CD96: variants seen among roughly 807,000 people sequenced by gnomAD.
The protein encoded by CD96 is T-cell surface protein tactile.
In CD96, 70 loss-of-function variants were observed where a neutral mutation model predicts 71.3. That is an observed-to-expected ratio of 0.98 (90% CI 0.81 to 1.20). The LOEUF is 1.20. Among genes scored for constraint, CD96 ranks in the 50% most tolerant of loss-of-function variants. CD96 has a pLI of 0.00. For synonymous variants in CD96, 248 were observed against 233.0 expected (o/e 1.06, Z -0.59); for missense variants, 742 against 677.5 (o/e 1.10, Z -1.06).
At position 111,577,624 on chromosome 3, in the gene CD96, A is replaced by G. The variant is rs1174930993; in HGVS notation, c.544-1403A>G. The G allele has an allele frequency of 4.2e-6, 4 of 944,502 alleles. No individual in the cohort carries two copies. The Admixed American group carries it at 5.1e-5, about 12-fold the overall frequency. 58.5% of individuals were successfully genotyped at this position (944,502 alleles called of 1,614,324 possible). On this transcript the variant is annotated intron_variant, in intron 3 of 13. Coordinates refer to ENST00000352690, the MANE Select transcript of CD96 (RefSeq NM_005816.5). Reference sequence around the variant, plus strand: ...CAGGCAATAACACAATACTATCTGTATGTAAGACTGACACAAATCCTAGCC... The same window carrying G: ...CAGGCAATAACACAATACTATCTGTGTGTAAGACTGACACAAATCCTAGCC...
chr3:111,654,002 AG>A (rs1940169326), downstream of CD96, among the ~76,000 whole-genome samples: 3 of 152,184 alleles, frequency 2.0e-5, no homozygotes, highest in Admixed American at 6.5e-5. Context: ...CTAAGGCCAG[AG>A]ATAATGAAAA....
downstream of CD96, among the ~76,000 whole-genome samples, chr3:111,654,191 T>A (rs781547390): frequency 1.3e-5 from 2 of 152,180 alleles, no homozygotes; most frequent in Non-Finnish European, 2.9e-5. Flanking sequence ...ACAGCAATCA[T>A]GGCTGTGTCA....
At chr3:111,622,211 A>T (rs908285210) in intron 8 of CD96, among the ~76,000 whole-genome samples, 60 of 152,200 alleles carry the variant, frequency 3.9e-4, no homozygotes, top group African/African-American at 1.4e-3. Context: ...AGAAAGAATT[A>T]GTTACCTTAG....
In CD96 at chr3:111,628,090, G is replaced by GA. The variant is rs889939472; in HGVS notation, c.1321+3694dup. On this transcript the variant is annotated intron_variant, in intron 10 of 13. Coordinates refer to ENST00000352690, the MANE Select transcript of CD96 (RefSeq NM_005816.5). ...AACTTTAAAAAAAGAAAAAGAAAAAGAAAAAAAACAACAACCAGAATGCTC... is the reference window on the plus strand; with the variant it reads ...AACTTTAAAAAAAGAAAAAGAAAAAGAAAAAAAAACAACAACCAGAATGCTC... Among the ~76,000 whole-genome samples, 21 of 151,582 alleles carry GA rather than the reference G, an allele frequency of 1.4e-4. No individual in the cohort carries two copies. In the East Asian group the frequency reaches 1.6e-3, roughly 11 times the overall value.
intron 1 of CD96, among the ~76,000 whole-genome samples, chr3:111,544,172 G>C (rs1351402362): frequency 6.6e-6 from 1 of 151,978 alleles, no homozygotes; most frequent in Non-Finnish European, 1.5e-5. Context: ...TTGAGATGGA[G>C]TCTCACTCTG....
chr3:111,646,520 G>A (rs1295361351), intron 12 of CD96, among the ~76,000 whole-genome samples: 3 of 150,642 alleles, frequency 2.0e-5, no homozygotes, highest in Non-Finnish European at 4.4e-5. Context: ...ACATAAGTTA[G>A]AATGGCTATT....
At chr3:111,603,045 AG>A (rs1458862298) in intron 7 of CD96, among the ~76,000 whole-genome samples, 1 of 152,158 alleles carries the variant, frequency 6.6e-6, no homozygotes, top group Non-Finnish European at 1.5e-5. Flanking sequence ...GCATGGGATT[AG>A]GGTTAGGGTG....
intron 8 of CD96, among the ~76,000 whole-genome samples, chr3:111,615,345 G>A (rs917501670): frequency 2.0e-5 from 3 of 152,210 alleles, no homozygotes; most frequent in Non-Finnish European, 2.9e-5. Context: ...GGAACATGAA[G>A]GGAGACAGGA....
intron 1 of CD96, among the ~76,000 whole-genome samples, 182 bp downstream of exon 1, chr3:111,542,491 G>T (rs1311931331): frequency 6.6e-6 from 1 of 152,150 alleles, no homozygotes; most frequent in Non-Finnish European, 1.5e-5. Flanking sequence ...ATCTAGAAAT[G>T]ATTACTAATG....
intron 3 of CD96, among the ~76,000 whole-genome samples, chr3:111,575,074 A>G (rs969652051): frequency 6.6e-6 from 1 of 152,194 alleles, no homozygotes; most frequent in Non-Finnish European, 1.5e-5. Context: ...AATTACAGGC[A>G]TGAGCCACCA....
intron 12 of CD96, among the ~76,000 whole-genome samples, chr3:111,646,513 T>C (rs989933394): frequency 1.3e-5 from 2 of 149,836 alleles, no homozygotes; most frequent in African/African-American, 4.9e-5. Flanking sequence ...CCATCTCACA[T>C]AAGTTAGAAT....
intron 10 of CD96, among the ~76,000 whole-genome samples, chr3:111,626,937 A>G (rs1418089423): frequency 6.6e-6 from 1 of 152,250 alleles, no homozygotes; most frequent in Non-Finnish European, 1.5e-5. Flanking sequence ...TAAGTGAATA[A>G]TAATTATAAA....
At chr3:111,633,120 A>C (rs949492875) in intron 10 of CD96, among the ~76,000 whole-genome samples, 1 of 152,098 alleles carries the variant, frequency 6.6e-6, no homozygotes, top group Non-Finnish European at 1.5e-5. Context: ...CTTTCCTTTG[A>C]ATACTTAGAG....
intron 10 of CD96, among the ~76,000 whole-genome samples, chr3:111,626,007 G>A (rs983218919): frequency 1.3e-5 from 2 of 152,092 alleles, no homozygotes; most frequent in Non-Finnish European, 2.9e-5. Context: ...AACATCTAAA[G>A]AAATGCTCAA....
chr3:111,582,547 G>A (rs1246855817), intron 4 of CD96, among the ~76,000 whole-genome samples: 2 of 152,070 alleles, frequency 1.3e-5, no homozygotes, highest in African/African-American at 4.8e-5. Flanking sequence ...CCTTTATAAT[G>A]AGACTTTATT....
intron 7 of CD96, among the ~76,000 whole-genome samples, chr3:111,605,625 G>A (rs1406515496): frequency 6.6e-6 from 1 of 152,150 alleles, no homozygotes; most frequent in Non-Finnish European, 1.5e-5. Context: ...TTGCACAAAA[G>A]CATTCATATA....
chr3:111,550,435 A>G (rs996398570), intron 2 of CD96, among the ~76,000 whole-genome samples: 2 of 152,126 alleles, frequency 1.3e-5, no homozygotes, highest in Non-Finnish European at 2.9e-5. Flanking sequence ...GTTTCAATTA[A>G]TAAGAAACAC....
At chr3:111,614,635 C>T (rs1938134882) in intron 8 of CD96, among the ~76,000 whole-genome samples, 1 of 152,124 alleles carries the variant, frequency 6.6e-6, no homozygotes, top group Non-Finnish European at 1.5e-5. Context: ...CTTTTCATGG[C>T]ACCCTATTAT....
rs1937373420 is a variant in CD96, at chr3:111,598,948, T to A, written c.898+738T>A. On this transcript the variant is annotated intron_variant, in intron 6 of 13. Transcript: ENST00000352690. ...ATAATAACTGAGTCACACAACTCTT[T>A]CTGAATTATTTTTATTTTATTTTAT... Among the ~76,000 whole-genome samples, 5 of 151,676 alleles carry A rather than the reference T, an allele frequency of 3.3e-5. No individual in the cohort carries two copies. The South Asian group carries it at 1.0e-3, about 31-fold the overall frequency.
Sources: gnomAD v4.1 joint callset for allele counts (sites outside exome capture counted in the v4.1 genomes callset) on GRCh38, gnomAD v4.1.1 for gene constraint, MANE v1.5 for transcripts, NCBI Gene and HGNC (gene_info 2026-07-23, HGNC 2026-07-21) for gene names.